ELAVL4: variants seen among roughly 807,000 people sequenced by gnomAD.
ELAVL4 encodes the protein ELAV like RNA binding protein 4.
In ELAVL4, 1 loss-of-function variant was observed where a neutral mutation model predicts 35.6. That is an observed-to-expected ratio of 0.03 (90% CI 0.01 to 0.13). The LOEUF (loss-of-function observed/expected upper bound fraction) is 0.13, where lower values mean the gene tolerates loss of function less well. Ranked by LOEUF, ELAVL4 falls within the 10% of genes least tolerant of loss-of-function variation. The probability of loss-of-function intolerance (pLI) is 1.00; values close to 1 mark genes in which losing one functional copy is unlikely to be tolerated. For missense variants in ELAVL4, 267 were observed against 464.9 expected, an observed-to-expected ratio of 0.57 and a Z score of 3.91; for synonymous variants, 156 against 171.0, an observed-to-expected ratio of 0.91 and a Z score of 0.69.
chr1:50,061,524 T>C (rs1254710558), intron 1 of ELAVL4, among the ~76,000 whole-genome samples: 4 of 152,230 alleles, frequency 2.6e-5, no homozygotes, highest in African/African-American at 7.2e-5. Flanking sequence ...CTGTTTAACA[T>C]GTTTAATCCA....
chr1:50,163,594 A>T (rs570111853), intron 2 of ELAVL4, among the ~76,000 whole-genome samples: 56 of 152,284 alleles, frequency 3.7e-4, no homozygotes, highest in African/African-American at 1.3e-3. Flanking sequence ...TGGGAGGTCG[A>T]GGCGGCAGAT....
chr1:50,109,015 TCC>T lies in ELAVL4; in HGVS notation c.-171_-170del. The T allele has an allele frequency of 2.3e-5, 22 of 960,962 alleles. No homozygotes were observed. Among genetic ancestry groups the T allele is most frequent in the Non-Finnish European group, 2.7e-5 (22 of 816,852 alleles). 59.5% of individuals were successfully genotyped at this position (960,962 alleles called of 1,614,324 possible). ...GCTCCTTTTCTTTTTTTTCTTTCTC[TCC>T]CCCGCCCACCCCCCCAAAAATAATT... On this transcript the variant is annotated 5_prime_UTR_variant, in exon 1 of 7. Coordinates refer to ENST00000371824, the MANE Select transcript of ELAVL4 (RefSeq NM_001144774.3).
At chr1:50,055,378 C>T (rs532909354) in intron 1 of ELAVL4, among the ~76,000 whole-genome samples, 2 of 152,002 alleles carry the variant, frequency 1.3e-5, no homozygotes, top group African/African-American at 4.8e-5. Context: ...TGGCTCACTG[C>T]GAGCTCCGCC....
chr1:50,201,641 G>T lies in ELAVL4; in HGVS notation c.*463G>T, dbSNP rs1389104894. 6.6e-6 allele frequency: 1 copy of T among 151,690 alleles called. No homozygotes were observed. Among genetic ancestry groups the T allele is most frequent in the Non-Finnish European group, 1.5e-5 (1 of 67,924 alleles). 9.4% of individuals were successfully genotyped at this position (151,690 alleles called of 1,614,324 possible). On this transcript the variant is annotated 3_prime_UTR_variant, in exon 7 of 7. Coordinates refer to ENST00000371824, the MANE Select transcript of ELAVL4 (RefSeq NM_001144774.3). This position sits in a 1 kb window ranked among gnomAD's most constrained non-coding sequence, Gnocchi z 4.3. ...ATGGGATTCAAAGAAAGGAAAAAAA[G>T]ATTTTTCTTTTTTGTCAAAATATCG...
At chr1:50,137,902 A>G (rs1227992918) in intron 1 of ELAVL4, among the ~76,000 whole-genome samples, 2 of 152,190 alleles carry the variant, frequency 1.3e-5, no homozygotes, top group African/African-American at 4.8e-5. Flanking sequence ...AGTCACCACT[A>G]GCATCTGTGG....
intron 1 of ELAVL4, among the ~76,000 whole-genome samples, chr1:50,057,548 T>C (rs1213459349): frequency 4.6e-5 from 7 of 152,290 alleles, no homozygotes; most frequent in African/African-American, 1.7e-4. Flanking sequence ...ACATGTACTG[T>C]TTTTAATCTT....
intron 1 of ELAVL4, among the ~76,000 whole-genome samples, chr1:50,132,497 A>G (rs1443079142): frequency 2.0e-5 from 3 of 152,206 alleles, no homozygotes; most frequent in Non-Finnish European, 4.4e-5. Flanking sequence ...CTTATAAATC[A>G]TCTTCTCTCC....
chr1:50,177,211 G>C lies in ELAVL4; in HGVS notation c.354+19G>C, dbSNP rs1680192556. ...CATAAAGGTAAGAGGTGATGTGCTG[G>C]CTCCTGATTCAGGAGGCTCTGGTTA... is the stretch of plus-strand genomic sequence containing the variant. On this transcript the variant is annotated intron_variant, in intron 3 of 6. Coordinates refer to ENST00000371824, the MANE Select transcript of ELAVL4 (RefSeq NM_001144774.3). The C allele has an allele frequency of 4.4e-6, 7 of 1,573,166 alleles. No homozygotes were observed. The highest frequency in any genetic ancestry group is 6.1e-6 in the Non-Finnish European group (7 of 1,143,116).
chr1:50,115,139 A>T (rs1263286830), intron 1 of ELAVL4: 1 of 151,876 alleles, frequency 6.6e-6, no homozygotes, highest in Non-Finnish European at 1.5e-5. Context: ...CTTTGCTCAG[A>T]ACATTTTAAG....
chr1:50,201,186 A>G lies in ELAVL4; in HGVS notation c.*8A>G. 6.4e-7 allele frequency: 1 copy of G among 1,555,096 alleles called. No individual in the cohort carries two copies. Among genetic ancestry groups the G allele is most frequent in the Non-Finnish European group, 8.7e-7 (1 of 1,153,912 alleles). On this transcript the variant is annotated 3_prime_UTR_variant, in exon 7 of 7. Coordinates refer to ENST00000371824, the MANE Select transcript of ELAVL4 (RefSeq NM_001144774.3). This position sits in a 1 kb window ranked among gnomAD's most constrained non-coding sequence, Gnocchi z 4.3. ...AAAGCCCACAAGTCCTGAATTTCCC[A>G]TTCTTACTTACTAAAATATATATAG...
intron 1 of ELAVL4, among the ~76,000 whole-genome samples, chr1:50,054,941 CTGGCTAGCAG>C (rs1158424787): frequency 1.3e-5 from 2 of 152,224 alleles, no homozygotes; most frequent in Non-Finnish European, 2.9e-5. Flanking sequence ...TTCCAGGTTA[CTGGCTAGCAG>C]TGGCTAGCAG....
At chr1:50,071,839 C>G (rs11205678) in intron 1 of ELAVL4, among the ~76,000 whole-genome samples, 92,349 of 151,896 alleles carry the variant, frequency 0.61, 28,738 homozygotes, top group Non-Finnish European at 0.67. Flanking sequence ...AGGAGAGGCT[C>G]CCTACCACAT....
At chr1:50,128,984 G>A (rs930538793) in intron 1 of ELAVL4, among the ~76,000 whole-genome samples, 43 of 152,130 alleles carry the variant, frequency 2.8e-4, no homozygotes, top group African/African-American at 1.0e-3. Context: ...GATGGCAAGG[G>A]AAGACACCAC....
At chr1:50,140,372 C>T (rs1215537425) in intron 1 of ELAVL4, among the ~76,000 whole-genome samples, 1 of 152,234 alleles carries the variant, frequency 6.6e-6, no homozygotes, top group Non-Finnish European at 1.5e-5. Context: ...GTGCTTTCTA[C>T]CAACACACAT....
intron 2 of ELAVL4, among the ~76,000 whole-genome samples, chr1:50,153,006 G>A (rs1675063093): frequency 6.6e-6 from 1 of 152,168 alleles, no homozygotes. Context: ...AAATGGATAA[G>A]TCATAGTTTG....
chr1:50,109,725 G>A, intron 1 of ELAVL4: 1 of 582,152 alleles, frequency 1.7e-6, no homozygotes, highest in Non-Finnish European at 3.1e-6. Flanking sequence ...GATTTATTTG[G>A]GCTTCAGTAA....
intron 1 of ELAVL4, among the ~76,000 whole-genome samples, chr1:50,062,631 G>C (rs913303052): frequency 6.6e-6 from 1 of 152,138 alleles, no homozygotes; most frequent in Non-Finnish European, 1.5e-5. Context: ...TCATTTGTTT[G>C]CTTGGCCTGT....
At chr1:50,079,117 G>A (rs1277326700) in intron 1 of ELAVL4, among the ~76,000 whole-genome samples, 1 of 151,978 alleles carries the variant, frequency 6.6e-6, no homozygotes, top group Non-Finnish European at 1.5e-5. Context: ...TTTTTAGATG[G>A]GGTCTTGCTT....
intron 2 of ELAVL4, among the ~76,000 whole-genome samples, chr1:50,155,180 C>A (rs1675513815): frequency 8.5e-6 from 1 of 118,244 alleles, no homozygotes; most frequent in Non-Finnish European, 1.7e-5. Context: ...CCCCTCCCCC[C>A]ACCCCACAAC....
Sources: allele counts gnomAD v4.1 joint callset (sites outside exome capture counted in the v4.1 genomes callset), GRCh38; gene constraint gnomAD v4.1.1; non-coding constraint Gnocchi (gnomAD v3.1); transcripts MANE v1.5; gene names NCBI Gene and HGNC (gene_info 2026-07-23, HGNC 2026-07-21).